Variants in WDFY4 observed in about 807,000 individuals in gnomAD.
The protein encoded by WDFY4 is WDFY family member 4, also known as WD repeat- and FYVE domain-containing protein 4.
A neutral mutation model predicts 351.9 loss-of-function variants in WDFY4; 169 were observed. The observed-to-expected ratio is 0.48, with a 90% CI of 0.42 to 0.55. The LOEUF is 0.55. Among genes scored for constraint, WDFY4 ranks in the 20% least tolerant of loss-of-function variants. The pLI, the probability that WDFY4 is intolerant of heterozygous loss-of-function variation, is 0.00. For synonymous variants in WDFY4, 1,622 were observed against 1,574.6 expected, an observed-to-expected ratio of 1.03 and a Z score of -0.71; for missense variants, 3,803 against 3,935.6, an observed-to-expected ratio of 0.97 and a Z score of 0.90.
chr10:48,715,930 T>A (rs1175205670), intron 2 of WDFY4, among the ~76,000 whole-genome samples: 1 of 151,994 alleles, frequency 6.6e-6, no homozygotes, highest in Admixed American at 6.5e-5. Flanking sequence ...TTTACAGGTG[T>A]GAGCCACCGC....
chr10:48,813,935 C>A (rs904977420), intron 30 of WDFY4, 22 bp from the exon 31 acceptor site: 1 of 1,514,594 alleles, frequency 6.6e-7, no homozygotes, highest in South Asian at 1.2e-5. Context: ...GGTCTGCTTA[C>A]AGCTCCTGCC....
chr10:48,832,836 G>A (rs1006952217), intron 39 of WDFY4, 127 bp downstream of exon 39: 87 of 1,262,246 alleles, frequency 6.9e-5, no homozygotes, highest in Non-Finnish European at 8.9e-5. Flanking sequence ...GCATTTGAGG[G>A]TATGCATGTA....
chr10:48,887,573 T>C (rs539333000), intron 43 of WDFY4, among the ~76,000 whole-genome samples: 1 of 152,224 alleles, frequency 6.6e-6, no homozygotes, highest in South Asian at 2.1e-4. Flanking sequence ...GGTCAGGAGA[T>C]CAAGACCATC....
chr10:48,825,530 A>C (rs1323072365), intron 35 of WDFY4, among the ~76,000 whole-genome samples: 1 of 152,218 alleles, frequency 6.6e-6, no homozygotes, highest in Non-Finnish European at 1.5e-5. Flanking sequence ...TTAAGGAATC[A>C]CCACATCGTC....
chr10:48,776,683 T>C (rs1306921910), intron 15 of WDFY4, 67 bp from the exon 16 acceptor site: 1 of 1,264,262 alleles, frequency 7.9e-7, no homozygotes, highest in Middle Eastern at 2.8e-4. Context: ...ACTTTGGGGT[T>C]ATTGTCAGAA....
chr10:48,860,630 A>G (rs983311902), intron 39 of WDFY4, among the ~76,000 whole-genome samples: 6 of 152,372 alleles, frequency 3.9e-5, no homozygotes, highest in African/African-American at 1.4e-4. Context: ...AGTTTATAAT[A>G]TAATTTTACT....
chr10:48,926,121 T>A (rs1047785287), intron 47 of WDFY4, among the ~76,000 whole-genome samples: 2 of 152,186 alleles, frequency 1.3e-5, no homozygotes, highest in African/African-American at 4.8e-5. Context: ...GGCAAATGCC[T>A]CATCCTGGGG....
intron 47 of WDFY4, chr10:48,913,960 G>A: frequency 2.5e-6 from 4 of 1,614,148 alleles, no homozygotes; most frequent in Non-Finnish European, 3.4e-6. Flanking sequence ...ATGGAGTCAG[G>A]GATCTTCCTG....
At chr10:48,927,290 T>G (rs1839652902) in intron 47 of WDFY4, among the ~76,000 whole-genome samples, 1 of 152,134 alleles carries the variant, frequency 6.6e-6, no homozygotes, top group African/African-American at 2.4e-5. Flanking sequence ...TGCCCGTGTC[T>G]TCATAAAGTG....
chr10:48,841,149 T>C (rs1247293392), intron 39 of WDFY4, among the ~76,000 whole-genome samples: 4 of 152,230 alleles, frequency 2.6e-5, no homozygotes, highest in Non-Finnish European at 5.9e-5. Flanking sequence ...TTTTTGTTTG[T>C]TTCTTCTTCA....
chr10:48,688,531 C>T (rs1324538249), intron 1 of WDFY4, among the ~76,000 whole-genome samples: 1 of 152,068 alleles, frequency 6.6e-6, no homozygotes, highest in African/African-American at 2.4e-5. Flanking sequence ...AGACATATCC[C>T]TAAGTGGTTT....
At chr10:48,901,956 A>G in intron 47 of WDFY4, 93 bp downstream of exon 47, 1 of 1,158,792 alleles carries the variant, frequency 8.6e-7, no homozygotes, top group East Asian at 2.6e-5. Flanking sequence ...AGTCTTGCAG[A>G]GAGCATGCCC....
intron 4 of WDFY4, among the ~76,000 whole-genome samples, chr10:48,722,361 C>T (rs578219546): frequency 6.6e-6 from 1 of 152,314 alleles, no homozygotes; most frequent in South Asian, 2.1e-4. Flanking sequence ...TTGTTTTTCA[C>T]TGCCTGTGCA....
At chr10:48,822,192 C>T (rs540530043) in intron 34 of WDFY4, among the ~76,000 whole-genome samples, 188 bp from the exon 35 acceptor site, 5 of 152,372 alleles carry the variant, frequency 3.3e-5, no homozygotes, top group African/African-American at 9.6e-5. Flanking sequence ...GACCAGATTA[C>T]TCAAGATCTG....
intron 2 of WDFY4, among the ~76,000 whole-genome samples, chr10:48,716,956 A>C (rs2063930100): frequency 6.6e-6 from 1 of 152,232 alleles, no homozygotes; most frequent in East Asian, 1.9e-4. Flanking sequence ...GTTGGCTTGC[A>C]GGTGGCAGCT....
At chr10:48,978,426 GC>G in intron 60 of WDFY4, 33 bp downstream of exon 60, 1 of 1,528,252 alleles carries the variant, frequency 6.5e-7, no homozygotes, top group East Asian at 2.5e-5. Context: ...GGCCGTCCTG[GC>G]CTTGCCCTGC....
chr10:48,915,830 C>T (rs957809141), intron 47 of WDFY4, among the ~76,000 whole-genome samples: 2 of 152,204 alleles, frequency 1.3e-5, no homozygotes, highest in African/African-American at 2.4e-5. Context: ...TGTTCATTTA[C>T]ACAGGCCTTG....
At chr10:48,948,064 T>C (rs928223309) in intron 51 of WDFY4, among the ~76,000 whole-genome samples, 4 of 152,136 alleles carry the variant, frequency 2.6e-5, no homozygotes, top group Non-Finnish European at 5.9e-5. Flanking sequence ...CCACCCTGCA[T>C]CAACACTAAA....
In WDFY4 at chr10:48,687,356, A is replaced by G. The variant is rs941620669; in HGVS notation, c.-18+2355A>G. On this transcript the variant is annotated intron_variant, in intron 1 of 61. Transcript: ENST00000325239. ...TTAATGACTGAATTTCTTAGTTTCA[A>G]ATAAGTTTATCCACCTGTCGCTTTA... Among the ~76,000 whole-genome samples the G allele has an allele frequency of 5.3e-5, 8 of 152,228 alleles. No individual in the cohort carries two copies. In the East Asian group the frequency reaches 1.3e-3, roughly 26 times the overall value.
Sources: gnomAD v4.1 joint callset for allele counts (sites outside exome capture counted in the v4.1 genomes callset) on GRCh38, gnomAD v4.1.1 for gene constraint, MANE v1.5 for transcripts, NCBI Gene and HGNC (gene_info 2026-07-23, HGNC 2026-07-21) for gene names.